Variants in FBXO7 observed in about 807,000 individuals in gnomAD.
The protein encoded by FBXO7 is F-box protein 7.
A neutral mutation model predicts 50.2 loss-of-function variants in FBXO7; 31 were observed. The ratio of observed to expected loss-of-function variants is 0.62; its 90% CI spans 0.46 to 0.83. The LOEUF is 0.83. Ranked by LOEUF, FBXO7 falls within the 40% of genes least tolerant of loss-of-function variation. The pLI is 0.00. For missense variants in FBXO7, 667 were observed against 646.6 expected, an observed-to-expected ratio of 1.03 and a Z score of -0.34; for synonymous variants, 256 against 253.1, an observed-to-expected ratio of 1.01 and a Z score of -0.11.
Position 32,498,612 on chromosome 22 carries a change from G to A in FBXO7, c.*82G>A, listed in dbSNP as rs147661976. On this transcript the variant is annotated 3_prime_UTR_variant, in exon 9 of 9. Coordinates refer to ENST00000266087, the MANE Select transcript of FBXO7 (RefSeq NM_012179.4). ...GTCAACTCCTTGGGGTGCTGATCTC[G>A]AGTGTTATTTTCTGATTGTGGTGTT... 844 of 1,478,888 alleles carry A rather than the reference G, an allele frequency of 5.7e-4. 2 individuals carry two copies. In the African/African-American group the frequency reaches 8.2e-3, roughly 14 times the overall value. 91.6% of individuals were successfully genotyped at this position (1,478,888 alleles called of 1,614,324 possible).
intron 2 of FBXO7, among the ~76,000 whole-genome samples, chr22:32,480,762 C>T (rs548598546): frequency 8.6e-5 from 13 of 151,928 alleles, no homozygotes; most frequent in South Asian, 8.4e-4. Flanking sequence ...CCTACCCTTC[C>T]GGGGTCAAGC....
intron 1 of FBXO7, among the ~76,000 whole-genome samples, chr22:32,476,140 T>G (rs2057427141): frequency 6.6e-6 from 1 of 152,164 alleles, no homozygotes; most frequent in African/African-American, 2.4e-5. Context: ...TCTGAACTTC[T>G]CGCCCTTTCA....
intron 5 of FBXO7, chr22:32,489,165 C>A (rs2057518766): frequency 6.6e-6 from 1 of 152,150 alleles, no homozygotes; most frequent in Non-Finnish European, 1.5e-5. Flanking sequence ...TTTATTCTCA[C>A]TTCCCAAAGG....
In FBXO7 at chr22:32,493,200, T is replaced by C; in HGVS notation, c.1063T>C (p.Leu355=). The C allele has an allele frequency of 6.2e-7, 1 of 1,614,214 alleles. No homozygotes were observed. The highest frequency in any genetic ancestry group is 1.3e-5 in the African/African-American group (1 of 75,070). ...RLLDVRSVLS[L]SAVCRDLFTA... ...TCTGGATGTTCGTTCCGTCTTGTCT[T>C]TGTCTGCGGTTTGTCGTGACCTCTT... The change falls in exon 7 of 9, where the codon TTG becomes CTG. Residue 355 remains leucine, a synonymous_variant. Coordinates refer to ENST00000266087, the MANE Select transcript of FBXO7 (RefSeq NM_012179.4).
At chr22:32,495,409 T>C in intron 7 of FBXO7, 84 bp from the exon 8 acceptor site, 1 of 884,192 alleles carries the variant, frequency 1.1e-6, no homozygotes. Flanking sequence ...GTTTCACTTT[T>C]CTTAGGAGAA....
chr22:32,492,789 T>G (rs2057545762), intron 6 of FBXO7: 1 of 333,020 alleles, frequency 3.0e-6, no homozygotes, highest in Non-Finnish European at 5.6e-6. Context: ...TTGTATTGAA[T>G]AATGTTTGAG....
In FBXO7 at chr22:32,479,278, G is replaced by A. The variant is rs967747311; in HGVS notation, c.417+3G>A. ...GTGTTTGGAATGACGACAGTATGGT[G>A]GGTATTAAACACCAATATATCAAAT... On this transcript the variant is annotated splice_donor_region_variant and intron_variant, in intron 2 of 8. Coordinates refer to ENST00000266087, the MANE Select transcript of FBXO7 (RefSeq NM_012179.4). The A allele has an allele frequency of 1.2e-6, 2 of 1,613,998 alleles. No individual in the cohort carries two copies. The highest frequency in any genetic ancestry group is 1.7e-5 in the Admixed American group (1 of 60,014).
chr22:32,497,323 C>T (rs1333420306), intron 8 of FBXO7, among the ~76,000 whole-genome samples: 3 of 152,264 alleles, frequency 2.0e-5, no homozygotes, highest in African/African-American at 7.2e-5. Context: ...GCCTTTCCCC[C>T]TAAGTCCCCA....
chr22:32,484,187 T>A, intron 3 of FBXO7, 63 bp downstream of exon 3: 2 of 1,433,954 alleles, frequency 1.4e-6, no homozygotes, highest in South Asian at 1.1e-5. Context: ...TGGTTCCTGC[T>A]CTCAAGTTGC....
chr22:32,488,375 C>G (rs2057512843), intron 5 of FBXO7: 1 of 152,892 alleles, frequency 6.5e-6, no homozygotes, highest in Non-Finnish European at 1.5e-5. Context: ...TTAATAGATA[C>G]AAAGAAGACA....
chr22:32,491,056 G>A (rs769910301), intron 5 of FBXO7, 30 bp from the exon 6 acceptor site: 5 of 1,527,824 alleles, frequency 3.3e-6, no homozygotes, highest in East Asian at 2.3e-5. Context: ...TTGATTTTGG[G>A]TTTTGATTTT....
chr22:32,484,343 G>A (rs574361432), intron 3 of FBXO7, among the ~76,000 whole-genome samples: 3 of 152,262 alleles, frequency 2.0e-5, no homozygotes, highest in African/African-American at 4.8e-5. Context: ...ACTTTAATGC[G>A]CTTTGGAATA....
At chr22:32,475,289 G>T in intron 1 of FBXO7, 165 bp downstream of exon 1, 2 of 1,595,716 alleles carry the variant, frequency 1.3e-6, no homozygotes, top group Non-Finnish European at 8.5e-7. Flanking sequence ...GGGCTCTTCC[G>T]GGCGTCGCGG....
chr22:32,489,751 G>A (rs1013016631), intron 5 of FBXO7: 1 of 152,196 alleles, frequency 6.6e-6, no homozygotes, highest in African/African-American at 2.4e-5. Flanking sequence ...TTATAATGAA[G>A]TATTTTTAAT....
At chr22:32,486,767 G>A (rs1315563496) in intron 4 of FBXO7, among the ~76,000 whole-genome samples, 1 of 152,182 alleles carries the variant, frequency 6.6e-6, no homozygotes, top group Non-Finnish European at 1.5e-5. Flanking sequence ...CTAGGACCTA[G>A]CAATGTCTAT....
chr22:32,478,041 G>C (rs902694462), intron 1 of FBXO7: 1 of 152,278 alleles, frequency 6.6e-6, no homozygotes, highest in Admixed American at 6.5e-5. Context: ...ATGATGAAGA[G>C]GAGTCAGTCA....
chr22:32,476,680 T>G (rs1478066920), intron 1 of FBXO7, among the ~76,000 whole-genome samples: 7 of 147,800 alleles, frequency 4.7e-5, no homozygotes. Flanking sequence ...ATTTGTTTTG[T>G]TTTTGTTTTT....
chr22:32,475,201 T>C, intron 1 of FBXO7, 77 bp downstream of exon 1: 1 of 1,513,122 alleles, frequency 6.6e-7, no homozygotes, highest in Non-Finnish European at 8.8e-7. Context: ...GTTGGCGTCA[T>C]CTGTGGGCTG....
Position 32,475,131 on chromosome 22 carries a change from T to TGGGGCC in FBXO7, c.122+13_122+18dup. On this transcript the variant is annotated splice_region_variant and intron_variant, in intron 1 of 8. Coordinates refer to ENST00000266087, the MANE Select transcript of FBXO7 (RefSeq NM_012179.4). ...TGTGCACCTGGGGGTACAGGTACGC[T>TGGGGCC]GGGGCCGGGGCTGGGCGGCCCGCGG... 1 of 1,441,982 alleles carries TGGGGCC rather than the reference T, an allele frequency of 6.9e-7. No individual in the cohort carries two copies. The highest frequency in any genetic ancestry group is 9.2e-7 in the Non-Finnish European group (1 of 1,084,568). 89.3% of individuals were successfully genotyped at this position (1,441,982 alleles called of 1,614,324 possible).
Sources: gnomAD v4.1 joint callset for allele counts (sites outside exome capture counted in the v4.1 genomes callset) on GRCh38, gnomAD v4.1.1 for gene constraint, MANE v1.5 for transcripts, NCBI Gene and HGNC (gene_info 2026-07-23, HGNC 2026-07-21) for gene names.